TGM3: variants seen among roughly 807,000 people sequenced by gnomAD.
The protein encoded by TGM3 is transglutaminase 3.
TGM3 carries 52 observed loss-of-function variants against 73.8 expected under a neutral mutation model. The ratio of observed to expected loss-of-function variants is 0.70; its 90% CI spans 0.56 to 0.89. The LOEUF (loss-of-function observed/expected upper bound fraction) is 0.89, where lower values mean the gene tolerates loss of function less well. Among genes scored for constraint, TGM3 ranks in the 40% least tolerant of loss-of-function variants. TGM3 has a pLI of 0.00. For synonymous variants in TGM3, 372 were observed against 354.9 expected (o/e 1.05, Z -0.54); for missense variants, 928 against 909.9 (o/e 1.02, Z -0.26).
chr20:2,309,813 A>C lies in TGM3; in HGVS notation c.164A>C (p.Glu55Ala). 1 of 1,614,200 alleles carries C rather than the reference A, an allele frequency of 6.2e-7. No individual in the cohort carries two copies. Among genetic ancestry groups the C allele is most frequent in the Non-Finnish European group, 8.5e-7 (1 of 1,180,020 alleles). ...GGCCTTGGCTCTAACGAAAGACTGG[A>C]GTTCATTGTCTCCACAGGTACCTGC... Reference protein sequence around the residue: ...NKGLGSNERLEFIVSTGPYPS... With the variant: ...NKGLGSNERLAFIVSTGPYPS... The change falls in exon 2 of 13, where the codon GAG becomes GCG. Residue 55 changes from glutamate (E) to alanine (A), a missense_variant. Glu to Ala is a moderately radical substitution (Grantham distance 107). Coordinates refer to ENST00000381458, the MANE Select transcript of TGM3 (RefSeq NM_003245.4).
intron 1 of TGM3, among the ~76,000 whole-genome samples, chr20:2,300,180 A>G (rs2084136171): frequency 6.6e-6 from 1 of 150,510 alleles, no homozygotes; most frequent in African/African-American, 2.4e-5. Flanking sequence ...GAAAAGAAAG[A>G]GAAAGAGAAA....
chr20:2,340,033 C>CGGGAGGGGGTGGGGGGGGGG, intron 12 of TGM3, 46 bp downstream of exon 12: 1 of 196,582 alleles, frequency 5.1e-6, no homozygotes, highest in Non-Finnish European at 9.7e-6. Context: ...CGGGAGGGGG[C>CGGGAGGGGGTGGGGGGGGGG]GGGGGGGCCC....
Position 2,325,931 on chromosome 20 carries a change from A to T in TGM3, c.1066A>T (p.Thr356Ser). Residue 356 changes from threonine (T) to serine (S), a missense_variant, in exon 8 of 13, where the codon ACC (threonine) becomes TCC (serine). Coordinates refer to ENST00000381458, the MANE Select transcript of TGM3 (RefSeq NM_003245.4). Reference protein sequence around the residue: ...SYGGWQVLDATPQERSQGVFQ... With the variant: ...SYGGWQVLDASPQERSQGVFQ... ...CGGTGGATGGCAGGTGTTGGATGCT[A>T]CCCCGCAGGAAAGAAGCCAAGGTAA... 6.3e-7 allele frequency: 1 copy of T among 1,594,002 alleles called. No individual in the cohort carries two copies. The highest frequency in any genetic ancestry group is 8.6e-7 in the Non-Finnish European group (1 of 1,169,120).
intron 11 of TGM3, among the ~76,000 whole-genome samples, chr20:2,339,341 T>C (rs554193166): frequency 2.0e-5 from 3 of 152,266 alleles, no homozygotes; most frequent in Non-Finnish European, 2.9e-5. Flanking sequence ...AAAGTAATAT[T>C]AAACCCAGCA....
At chr20:2,336,076 C>T (rs1421876352) in intron 11 of TGM3, among the ~76,000 whole-genome samples, 1 of 152,208 alleles carries the variant, frequency 6.6e-6, no homozygotes, top group Non-Finnish European at 1.5e-5. Flanking sequence ...GCATTCACTC[C>T]CAGGCTCCTT....
At chr20:2,298,545 A>C (rs45525732) in intron 1 of TGM3, among the ~76,000 whole-genome samples, 3,172 of 152,234 alleles carry the variant, frequency 0.021, 115 homozygotes, top group African/African-American at 0.072. Flanking sequence ...CTACTTTTCC[A>C]GGCAGAGCAC....
chr20:2,321,770 C>T (rs1321167206), intron 7 of TGM3, among the ~76,000 whole-genome samples: 2 of 152,128 alleles, frequency 1.3e-5, no homozygotes, highest in African/African-American at 4.8e-5. Flanking sequence ...CAACCAGAAA[C>T]CCACACCGGA....
In TGM3 at chr20:2,308,291, G is replaced by C. The variant is rs566043289; in HGVS notation, c.8-1366G>C. ...CAGAGAGATGGACACAAATAAAAAA[G>C]AGCTGTGTCTGGCACTGGAATGCAC... On this transcript the variant is annotated intron_variant, in intron 1 of 12. Transcript: ENST00000381458. Among the ~76,000 whole-genome samples, 71 of 152,304 alleles carry C rather than the reference G, an allele frequency of 4.7e-4. No homozygotes were observed. In the South Asian group the frequency reaches 0.014, roughly 31 times the overall value.
chr20:2,297,266 G>A (rs1045017466), intron 1 of TGM3, among the ~76,000 whole-genome samples: 1 of 152,198 alleles, frequency 6.6e-6, no homozygotes, highest in Admixed American at 6.5e-5. Flanking sequence ...CCAGAGCTGA[G>A]CTCCTACATA....
chr20:2,318,458 C>T (rs1387165139), intron 7 of TGM3, among the ~76,000 whole-genome samples: 1 of 152,046 alleles, frequency 6.6e-6, no homozygotes, highest in Non-Finnish European at 1.5e-5. Context: ...TCTGTAACTG[C>T]ATAGAGCACT....
intron 12 of TGM3, among the ~76,000 whole-genome samples, 190 bp from the exon 13 acceptor site, chr20:2,340,244 C>CCG (rs1262662559): frequency 6.6e-6 from 1 of 152,188 alleles, no homozygotes; most frequent in Non-Finnish European, 1.5e-5. Context: ...GGACCCCCCC[C>CCG]TCCTGCTTCC....
At chr20:2,331,005 C>CAA (rs59627856) in intron 9 of TGM3, among the ~76,000 whole-genome samples, 1,466 of 64,070 alleles carry the variant, frequency 0.023, 35 homozygotes, top group Non-Finnish European at 0.029. Flanking sequence ...GACCCTGTCA[C>CAA]AAAAAAAAAA....
intron 11 of TGM3, 119 bp downstream of exon 11, chr20:2,335,392 G>A (rs1027546493): frequency 1.0e-5 from 13 of 1,276,782 alleles, no homozygotes; most frequent in Non-Finnish European, 1.2e-5. Context: ...GTTTTTTCTT[G>A]CTGGGAGGGG....
intron 5 of TGM3, among the ~76,000 whole-genome samples, chr20:2,314,530 TACACACACACACAC>T (rs11473649): frequency 2.9e-5 from 4 of 136,704 alleles, no homozygotes; most frequent in Admixed American, 1.4e-4. Flanking sequence ...CATCTACACA[TACACACACACACAC>T]ACACACACAC....
intron 7 of TGM3, among the ~76,000 whole-genome samples, chr20:2,324,688 G>A (rs1157413057): frequency 1.3e-5 from 2 of 152,184 alleles, no homozygotes; most frequent in African/African-American, 4.8e-5. Flanking sequence ...AACCCAGGTT[G>A]GTTCAGGCTC....
At chr20:2,326,918 G>T (rs534563355) in intron 8 of TGM3, among the ~76,000 whole-genome samples, 8 of 152,046 alleles carry the variant, frequency 5.3e-5, no homozygotes, top group Non-Finnish European at 1.0e-4. Context: ...ATTCTAAAAG[G>T]ACTAACAATA....
In TGM3 at chr20:2,340,558, T is replaced by A. The variant is rs45581032; in HGVS notation, c.2059T>A (p.Leu687Met). 232 of 1,614,202 alleles carry A rather than the reference T, an allele frequency of 1.4e-4. No homozygotes were observed. Among genetic ancestry groups the A allele is most frequent in the Non-Finnish European group, 1.8e-4 (214 of 1,180,024 alleles). ...CNKFPAIKAM[L>M]SIDVAE ...CAAGTTCCCTGCAATCAAGGCCATGTTGTCCATCGATGTAGCCGAATGAAG... is the reference window on the plus strand; with the variant it reads ...CAAGTTCCCTGCAATCAAGGCCATGATGTCCATCGATGTAGCCGAATGAAG... Residue 687 changes from leucine to methionine, a missense_variant, in exon 13 of 13, where the codon TTG becomes ATG. Leu to Met is a conservative substitution (Grantham distance 15, BLOSUM62 2). Transcript: ENST00000381458.
chr20:2,317,922 C>CATATATATATATATATCATATATATATAT (rs1568627286), intron 7 of TGM3, among the ~76,000 whole-genome samples: 2 of 143,058 alleles, frequency 1.4e-5, no homozygotes, highest in African/African-American at 5.2e-5. Context: ...CTTCTCTTAG[C>CATATATATATATATATCATATATATATAT]ATATATATAT....
At chr20:2,318,015 G>T (rs1038674440) in intron 7 of TGM3, among the ~76,000 whole-genome samples, 2 of 149,874 alleles carry the variant, frequency 1.3e-5, no homozygotes, top group East Asian at 3.9e-4. Context: ...TCTGGATTCC[G>T]GATGAAAACA....
Sources: gnomAD v4.1 joint callset for allele counts (sites outside exome capture counted in the v4.1 genomes callset) on GRCh38, gnomAD v4.1.1 for gene constraint, MANE v1.5 for transcripts, NCBI Gene and HGNC (gene_info 2026-07-23, HGNC 2026-07-21) for gene names.